FRAS1: variants seen among roughly 807,000 people sequenced by gnomAD.
FRAS1 encodes Fraser extracellular matrix complex subunit 1, also known as extracellular matrix organizing protein FRAS1.
FRAS1 carries 290 observed loss-of-function variants against 435.2 expected under a neutral mutation model. That is an observed-to-expected ratio of 0.67 (90% CI 0.61 to 0.73). The LOEUF (loss-of-function observed/expected upper bound fraction) is 0.73, where lower values mean the gene tolerates loss of function less well. Among genes scored for constraint, FRAS1 ranks in the 30% least tolerant of loss-of-function variants. FRAS1 has a pLI of 0.00. For missense variants in FRAS1, 4,860 were observed against 5,001.5 expected, an observed-to-expected ratio of 0.97 and a Z score of 0.85; for synonymous variants, 1,800 against 1,851.0, an observed-to-expected ratio of 0.97 and a Z score of 0.71.
chr4:78,497,119 C>T (rs548647436), intron 60 of FRAS1, among the ~76,000 whole-genome samples, 158 bp downstream of exon 60: 14 of 152,182 alleles, frequency 9.2e-5, no homozygotes, highest in Admixed American at 7.9e-4. Flanking sequence ...AAATGATCTC[C>T]CTCTACAGAG....
At chr4:78,269,450 G>T (rs528801341) in intron 9 of FRAS1, among the ~76,000 whole-genome samples, 1 of 152,114 alleles carries the variant, frequency 6.6e-6, no homozygotes, top group Non-Finnish European at 1.5e-5. Context: ...TCTGATCTTG[G>T]ATACCAAGGA....
chr4:78,399,175 T>C (rs1385159743), intron 29 of FRAS1, among the ~76,000 whole-genome samples: 1 of 152,148 alleles, frequency 6.6e-6, no homozygotes, highest in Non-Finnish European at 1.5e-5. Context: ...ACCAATCAGG[T>C]TAGAAAGTGC....
chr4:78,484,586 A>G (rs1449442098), intron 58 of FRAS1, among the ~76,000 whole-genome samples: 1 of 152,172 alleles, frequency 6.6e-6, no homozygotes, highest in Non-Finnish European at 1.5e-5. Flanking sequence ...CAGAAGTTTT[A>G]TAGCCTTAAG....
At chr4:78,458,803 A>G (rs1486534680) in intron 47 of FRAS1, among the ~76,000 whole-genome samples, 1 of 152,150 alleles carries the variant, frequency 6.6e-6, no homozygotes, top group Non-Finnish European at 1.5e-5. Context: ...GTCATCCACC[A>G]TTTTATCTGC....
At chr4:78,272,843 T>G (rs945157312) in intron 9 of FRAS1, among the ~76,000 whole-genome samples, 1 of 152,242 alleles carries the variant, frequency 6.6e-6, no homozygotes, top group Non-Finnish European at 1.5e-5. Context: ...TTTCCAATTC[T>G]GTGAAGAAAG....
chr4:78,537,225 G>T, intron 72 of FRAS1, 25 bp downstream of exon 72: 1 of 1,602,434 alleles, frequency 6.2e-7, no homozygotes, highest in Admixed American at 1.7e-5. Flanking sequence ...CACTATTAGT[G>T]TTAAAGAGCA....
At chr4:78,489,887 T>C (rs1225574215) in intron 59 of FRAS1, among the ~76,000 whole-genome samples, 1 of 141,902 alleles carries the variant, frequency 7.0e-6, no homozygotes, top group East Asian at 2.1e-4. Flanking sequence ...CAAATTGAAG[T>C]CAGCAGAGTA....
chr4:78,403,110 A>C (rs1029135635), intron 30 of FRAS1, among the ~76,000 whole-genome samples: 2 of 152,138 alleles, frequency 1.3e-5, no homozygotes, highest in African/African-American at 4.8e-5. Context: ...TTTAAGCTAG[A>C]TATTTTTAAG....
At chr4:78,333,714 T>C (rs1021338300) in intron 19 of FRAS1, among the ~76,000 whole-genome samples, 6 of 152,238 alleles carry the variant, frequency 3.9e-5, no homozygotes, top group Non-Finnish European at 8.8e-5. Flanking sequence ...AAATAAATCC[T>C]GTCGTGGACT....
intron 37 of FRAS1, among the ~76,000 whole-genome samples, chr4:78,431,012 T>A (rs1209463818): frequency 6.6e-6 from 1 of 152,244 alleles, no homozygotes; most frequent in Non-Finnish European, 1.5e-5. Context: ...GTGAATCTAA[T>A]TTTTTAATAG....
At chr4:78,109,593 C>T (rs1159904585) in intron 2 of FRAS1, among the ~76,000 whole-genome samples, 8 of 84,822 alleles carry the variant, frequency 9.4e-5, no homozygotes, top group African/African-American at 2.5e-4. Context: ...ATTGATGGGA[C>T]GTATTTCAAA....
chr4:78,363,018 G>T (rs1018256023), intron 20 of FRAS1, among the ~76,000 whole-genome samples: 1 of 152,134 alleles, frequency 6.6e-6, no homozygotes, highest in Admixed American at 6.5e-5. Flanking sequence ...TTGGCCATGG[G>T]TTTCAGGCTG....
chr4:78,214,325 A>G (rs1230249078), intron 2 of FRAS1, among the ~76,000 whole-genome samples: 1 of 152,212 alleles, frequency 6.6e-6, no homozygotes. Context: ...GAAGTTATCA[A>G]CAAGCCTGTC....
chr4:78,228,405 C>G (rs895356070), intron 2 of FRAS1, among the ~76,000 whole-genome samples: 7 of 152,256 alleles, frequency 4.6e-5, no homozygotes, highest in Middle Eastern at 6.8e-3. Flanking sequence ...AGATCAGGCT[C>G]TCACTATTAC....
At chr4:78,518,450 A>ATATATATATATATTTATTTATT (rs1487744216) in intron 66 of FRAS1, among the ~76,000 whole-genome samples, 2 of 69,332 alleles carry the variant, frequency 2.9e-5, no homozygotes, top group African/African-American at 7.6e-5. Flanking sequence ...ATATATATAT[A>ATATATATATATATTTATTTATT]TATTTATTTA....
intron 34 of FRAS1, among the ~76,000 whole-genome samples, chr4:78,423,543 A>T (rs1733879940): frequency 6.6e-6 from 1 of 152,228 alleles, no homozygotes; most frequent in Admixed American, 6.5e-5. Flanking sequence ...AGCTTTATTC[A>T]TACACAAAAG....
chr4:78,213,060 G>A (rs2866994), intron 2 of FRAS1, among the ~76,000 whole-genome samples: 48,499 of 152,078 alleles, frequency 0.32, 7,852 homozygotes, highest in Admixed American at 0.36. Flanking sequence ...GATCCAGGGA[G>A]AAATAATATC....
At chr4:78,181,836 G>A (rs981923174) in intron 2 of FRAS1, 96 of 1,611,926 alleles carry the variant, frequency 6.0e-5, no homozygotes, top group South Asian at 3.4e-4. Context: ...GACTCCTTGC[G>A]CAGCTGTTTG....
chr4:78,302,312 A>T (rs1721646443), intron 14 of FRAS1, among the ~76,000 whole-genome samples: 1 of 151,748 alleles, frequency 6.6e-6, no homozygotes, highest in African/African-American at 2.4e-5. Context: ...GCCGCAATAA[A>T]CATACGTGTG....
Sources: allele counts gnomAD v4.1 joint callset (sites outside exome capture counted in the v4.1 genomes callset), GRCh38; gene constraint gnomAD v4.1.1; transcripts MANE v1.5; gene names NCBI Gene and HGNC (gene_info 2026-07-23, HGNC 2026-07-21).